Variants in ESR1 observed in about 807,000 individuals in gnomAD.
The protein encoded by ESR1 is estrogen receptor.
In ESR1, 12 loss-of-function variants were observed where a neutral mutation model predicts 52.7. That is an observed-to-expected ratio of 0.23 (90% CI 0.15 to 0.37). The LOEUF is 0.37. Among genes scored for constraint, ESR1 ranks in the 10% least tolerant of loss-of-function variants. ESR1 has a pLI of 1.00. For missense variants in ESR1, 584 were observed against 779.7 expected (o/e 0.75, Z 2.99); for synonymous variants, 305 against 316.8 (o/e 0.96, Z 0.39).
At chr6:151,679,555 G>A (rs933542046) in intron 1 of ESR1, among the ~76,000 whole-genome samples, 3 of 151,832 alleles carry the variant, frequency 2.0e-5, no homozygotes, top group African/African-American at 7.3e-5. Flanking sequence ...TCACCATGTC[G>A]GCCAGGCCAG....
At chr6:151,904,686 C>T (rs960359357) in intron 3 of ESR1, among the ~76,000 whole-genome samples, 7 of 152,116 alleles carry the variant, frequency 4.6e-5, no homozygotes, top group Non-Finnish European at 8.8e-5. Flanking sequence ...ATGTGCTAAG[C>T]ATTTTAATAA....
intron 1 of ESR1, among the ~76,000 whole-genome samples, chr6:151,666,080 T>A (rs1777812290): frequency 6.6e-6 from 1 of 152,236 alleles, no homozygotes; most frequent in South Asian, 2.1e-4. Context: ...TTTGGGCTCT[T>A]CATAGAAAAT....
intron 2 of ESR1, among the ~76,000 whole-genome samples, chr6:151,727,944 A>G (rs1479956461): frequency 1.3e-5 from 2 of 152,198 alleles, no homozygotes; most frequent in African/African-American, 2.4e-5. Flanking sequence ...TCTTTTCTTT[A>G]TAAATTACCC....
chr6:151,742,931 A>G (rs1457874791), intron 2 of ESR1, among the ~76,000 whole-genome samples: 6 of 152,228 alleles, frequency 3.9e-5, no homozygotes, highest in East Asian at 3.9e-4. Context: ...AGATGGAGAT[A>G]AGACGAAAAT....
intron 1 of ESR1, among the ~76,000 whole-genome samples, chr6:151,820,484 G>C (rs1281340964): frequency 6.6e-6 from 1 of 151,930 alleles, no homozygotes; most frequent in African/African-American, 2.4e-5. Flanking sequence ...TCATTTTATG[G>C]GACGTAGAAA....
Position 151,740,762 on chromosome 6 carries a change from A to G in ESR1, c.-71+38757A>G, listed in dbSNP as rs541428348. Among the ~76,000 whole-genome samples the G allele has an allele frequency of 6.6e-5, 10 of 152,080 alleles. No individual in the cohort carries two copies. The East Asian group carries it at 9.7e-4, about 15-fold the overall frequency. ...CTTTGAATCTGATGCCCAATATTCT[A>G]TTTGATTCTGTTGATTCTGAAAATT... is the stretch of plus-strand genomic sequence containing the variant. On this transcript the variant is annotated intron_variant, in intron 2 of 2. Coordinates refer to the ESR1 transcript ENST00000404742.
intron 6 of ESR1, among the ~76,000 whole-genome samples, chr6:152,083,020 C>T (rs554135813): frequency 1.3e-4 from 20 of 152,152 alleles, no homozygotes; most frequent in East Asian, 3.9e-4. Context: ...ATCAATATCA[C>T]GAAAATGGTC....
At chr6:151,844,295 T>C (rs1046353244) in intron 2 of ESR1, among the ~76,000 whole-genome samples, 1 of 152,142 alleles carries the variant, frequency 6.6e-6, no homozygotes, top group Non-Finnish European at 1.5e-5. Context: ...CTCTCTTAAT[T>C]TGTGGTTTTA....
At chr6:151,676,676 G>A (rs369766153) in intron 1 of ESR1, among the ~76,000 whole-genome samples, 30 of 152,056 alleles carry the variant, frequency 2.0e-4, no homozygotes, top group Admixed American at 3.9e-4. Context: ...ACCCTCACTC[G>A]CTGCATTTAG....
chr6:151,799,552 C>T (rs1035622193), upstream of ESR1, among the ~76,000 whole-genome samples: 1 of 152,204 alleles, frequency 6.6e-6, no homozygotes, highest in East Asian at 1.9e-4. Context: ...ACTACAACTA[C>T]ACATCAGGGA....
chr6:151,754,866 G>A lies in ESR1; in HGVS notation c.-71+52861G>A, dbSNP rs139119834. ...CTAGACGTGTCCATCCAACTGCTAC[G>A]TGACATCTCCACTGGGATTTCTAAG... On this transcript the variant is annotated intron_variant, in intron 2 of 2. Transcript: ENST00000404742. 2.2e-3 allele frequency among the ~76,000 whole-genome samples: 339 copies of A among 152,222 alleles called. 2 individuals carry two copies. Among genetic ancestry groups the A allele is most frequent in the African/African-American group, 7.5e-3 (312 of 41,526 alleles).
At chr6:151,659,047 C>T (rs982302590) in intron 1 of ESR1, among the ~76,000 whole-genome samples, 1 of 152,148 alleles carries the variant, frequency 6.6e-6, no homozygotes, top group Non-Finnish European at 1.5e-5. Context: ...GAGTTTCGAT[C>T]TTGTTGCCCA....
chr6:151,858,539 G>A (rs1302851843), intron 2 of ESR1, among the ~76,000 whole-genome samples: 1 of 150,680 alleles, frequency 6.6e-6, no homozygotes, highest in Non-Finnish European at 1.5e-5. Context: ...TTGATTGTTT[G>A]AATGTGTCCT....
At chr6:151,755,012 G>C (rs906727961) in intron 2 of ESR1, among the ~76,000 whole-genome samples, 6 of 152,112 alleles carry the variant, frequency 3.9e-5, no homozygotes, top group Non-Finnish European at 8.8e-5. Context: ...AGGAGTTCGA[G>C]ACCAGTCTGG....
At chr6:151,708,742 C>T (rs1780357897) in intron 2 of ESR1, among the ~76,000 whole-genome samples, 1 of 152,006 alleles carries the variant, frequency 6.6e-6, no homozygotes, top group African/African-American at 2.4e-5. Flanking sequence ...CCTATTTCTC[C>T]CTTATATGGT....
At chr6:151,873,921 AG>A (rs1190085218) in intron 2 of ESR1, among the ~76,000 whole-genome samples, 2 of 152,238 alleles carry the variant, frequency 1.3e-5, no homozygotes, top group Non-Finnish European at 2.9e-5. Context: ...GAGACTGTAA[AG>A]GTAGCCAAGC....
At chr6:151,779,037 G>T (rs1033901262) in intron 2 of ESR1, among the ~76,000 whole-genome samples, 1 of 151,988 alleles carries the variant, frequency 6.6e-6, no homozygotes, top group Admixed American at 6.6e-5. Context: ...CTCCCATTCT[G>T]TAGGTTGCCT....
chr6:152,077,269 T>C (rs1435145855), intron 6 of ESR1, among the ~76,000 whole-genome samples: 2 of 152,212 alleles, frequency 1.3e-5, no homozygotes, highest in East Asian at 3.9e-4. Context: ...GTGTTGAGCC[T>C]GTGTGTACAC....
chr6:151,725,296 T>A (rs1211720192), intron 2 of ESR1, among the ~76,000 whole-genome samples: 1 of 152,178 alleles, frequency 6.6e-6, no homozygotes, highest in Non-Finnish European at 1.5e-5. Flanking sequence ...ACATCATTGA[T>A]GTGTTTTGAG....
Sources: gnomAD v4.1 joint callset for allele counts (sites outside exome capture counted in the v4.1 genomes callset) on GRCh38, gnomAD v4.1.1 for gene constraint, MANE v1.5 for transcripts, NCBI Gene and HGNC (gene_info 2026-07-23, HGNC 2026-07-21) for gene names.